The following NAA11 variants were observed in gnomAD, a reference collection of about 807,000 sequenced individuals.
The protein encoded by NAA11 is N-alpha-acetyltransferase 11.
Under a neutral mutation model 16.1 loss-of-function variants are expected in NAA11, and 15 were observed. The ratio of observed to expected loss-of-function variants is 0.93; its 90% CI spans 0.62 to 1.44. The LOEUF (loss-of-function observed/expected upper bound fraction) is 1.44. NAA11 is among the 40% of genes most tolerant of loss of function. The pLI is 0.00. For synonymous variants in NAA11, 122 were observed against 112.4 expected, an observed-to-expected ratio of 1.09 and a Z score of -0.54; for missense variants, 298 against 291.3, an observed-to-expected ratio of 1.02 and a Z score of -0.17.
At chr4:79,167,132 T>TTATA in the NAA11 span, among the ~76,000 whole-genome samples, 554 of 17,288 alleles carry the variant, frequency 0.032, 149 homozygotes, top group East Asian at 0.46. Context: ...ACAGCTTATT[T>TTATA]TATATATATA....
intron 2 of NAA11, among the ~76,000 whole-genome samples, chr4:79,277,815 A>G (rs1248194289): frequency 6.6e-6 from 1 of 152,048 alleles, no homozygotes; most frequent in Admixed American, 6.6e-5. Context: ...CAGGAGCCAC[A>G]TGCGTCAGGG....
the NAA11 span, among the ~76,000 whole-genome samples, chr4:79,167,633 T>C: frequency 2.6e-5 from 4 of 152,030 alleles, no homozygotes; most frequent in African/African-American, 9.7e-5. Context: ...ATTCTCTCAT[T>C]GCTATGAAGA....
At chr4:79,235,224 C>A (rs1459386689) in intron 2 of NAA11, among the ~76,000 whole-genome samples, 1 of 152,016 alleles carries the variant, frequency 6.6e-6, no homozygotes, top group Non-Finnish European at 1.5e-5. Context: ...GGGACATAAG[C>A]CCTAGAGTTG....
At chr4:79,200,379 T>C in the NAA11 span, among the ~76,000 whole-genome samples, 1 of 151,786 alleles carries the variant, frequency 6.6e-6, no homozygotes, top group Non-Finnish European at 1.5e-5. Flanking sequence ...GAATTTTTGT[T>C]CTGGGAAAGA....
the NAA11 span, among the ~76,000 whole-genome samples, chr4:79,176,185 G>A: frequency 1.3e-5 from 2 of 152,152 alleles, no homozygotes; most frequent in East Asian, 3.8e-4. Flanking sequence ...GAGCCTGCTG[G>A]TTTTGACCTC....
chr4:79,316,395 A>G (rs891181436), downstream of NAA11, among the ~76,000 whole-genome samples: 3 of 152,184 alleles, frequency 2.0e-5, no homozygotes, highest in African/African-American at 2.4e-5. Flanking sequence ...AAAAACTTTT[A>G]TATCTGCCTC....
chr4:79,177,273 C>T, the NAA11 span, among the ~76,000 whole-genome samples: 1 of 151,408 alleles, frequency 6.6e-6, no homozygotes, highest in African/African-American at 2.4e-5. Flanking sequence ...TTTCTCTTCC[C>T]TTTGGGAGCA....
the NAA11 span, among the ~76,000 whole-genome samples, chr4:79,219,381 A>G: frequency 6.6e-6 from 1 of 152,204 alleles, no homozygotes; most frequent in African/African-American, 2.4e-5. Context: ...AATAAGGCCT[A>G]ATAAAGAAGT....
At chr4:79,197,335 G>A in the NAA11 span, among the ~76,000 whole-genome samples, 1 of 151,978 alleles carries the variant, frequency 6.6e-6, no homozygotes, top group Admixed American at 6.6e-5. Flanking sequence ...TCTATTGAAT[G>A]TGTGACGTTT....
the NAA11 span, among the ~76,000 whole-genome samples, chr4:79,166,439 C>T: frequency 6.6e-6 from 1 of 151,136 alleles, no homozygotes; most frequent in Non-Finnish European, 1.5e-5. Context: ...TCATTGCAGC[C>T]TCAAAGTCCT....
the NAA11 span, among the ~76,000 whole-genome samples, chr4:79,190,739 G>GT: frequency 1.3e-5 from 2 of 152,082 alleles, no homozygotes; most frequent in Admixed American, 6.5e-5. Flanking sequence ...GTGTTACAGG[G>GT]TTTTTTTGAT....
the NAA11 span, among the ~76,000 whole-genome samples, chr4:79,167,834 G>A: frequency 1.3e-4 from 19 of 151,948 alleles, no homozygotes; most frequent in South Asian, 4.2e-4. Flanking sequence ...AGAGAGATGG[G>A]GAAGTGCTAC....
the NAA11 span, among the ~76,000 whole-genome samples, chr4:79,171,043 A>C: frequency 1.3e-5 from 2 of 152,178 alleles, no homozygotes; most frequent in Admixed American, 6.6e-5. Flanking sequence ...TGTTGATAAC[A>C]TAGTGCTTGG....
chr4:79,163,324 T>C, the NAA11 span, among the ~76,000 whole-genome samples: 2 of 152,144 alleles, frequency 1.3e-5, no homozygotes, highest in African/African-American at 2.4e-5. Flanking sequence ...TGCGTGAGGC[T>C]TTGCTGTGAA....
At chr4:79,250,866 G>T (rs1721978832) in intron 2 of NAA11, among the ~76,000 whole-genome samples, 1 of 152,080 alleles carries the variant, frequency 6.6e-6, no homozygotes, top group South Asian at 2.1e-4. Flanking sequence ...AGCATATGAA[G>T]AAATATTCAA....
the NAA11 span, among the ~76,000 whole-genome samples, chr4:79,159,499 C>T: frequency 6.6e-6 from 1 of 152,174 alleles, no homozygotes; most frequent in African/African-American, 2.4e-5. Flanking sequence ...GTAAACATCA[C>T]TATTTTAAAG....
intron 2 of NAA11, among the ~76,000 whole-genome samples, chr4:79,284,145 G>T (rs570583932): frequency 6.6e-6 from 1 of 152,198 alleles, no homozygotes; most frequent in African/African-American, 2.4e-5. Flanking sequence ...CCCTAAGGCA[G>T]CAAACTCTTG....
At chr4:79,278,933 T>C (rs1722727192) in intron 2 of NAA11, among the ~76,000 whole-genome samples, 1 of 152,116 alleles carries the variant, frequency 6.6e-6, no homozygotes, top group Non-Finnish European at 1.5e-5. Context: ...GGTGTGGGCC[T>C]TCTTGCTTCA....
At chr4:79,179,411 T>C in the NAA11 span, among the ~76,000 whole-genome samples, 1 of 152,174 alleles carries the variant, frequency 6.6e-6, no homozygotes, top group South Asian at 2.1e-4. Flanking sequence ...TACTTTGAAG[T>C]GTATTTCCTT....
Sources: gnomAD v4.1 joint callset for allele counts (sites outside exome capture counted in the v4.1 genomes callset) on GRCh38, gnomAD v4.1.1 for gene constraint, MANE v1.5 for transcripts, NCBI Gene and HGNC (gene_info 2026-07-23, HGNC 2026-07-21) for gene names.